GRID2: variants seen among roughly 807,000 people sequenced by gnomAD.
GRID2 encodes the protein glutamate ionotropic receptor delta type subunit 2.
A neutral mutation model predicts 114.8 loss-of-function variants in GRID2; 33 were observed. That is an observed-to-expected ratio of 0.29 (90% CI 0.22 to 0.38). The LOEUF is 0.38. Ranked by LOEUF, GRID2 falls within the 10% of genes least tolerant of loss-of-function variation. The pLI is 1.00. For missense variants in GRID2, 1,184 were observed against 1,257.7 expected (o/e 0.94, Z 0.89); for synonymous variants, 505 against 449.9 (o/e 1.12, Z -1.55).
intron 2 of GRID2, among the ~76,000 whole-genome samples, chr4:92,648,156 A>G (rs1397320051): frequency 6.7e-6 from 1 of 149,882 alleles, no homozygotes; most frequent in Non-Finnish European, 1.5e-5. Context: ...CCTTGATTCA[A>G]TAGTACCAGC....
rs1020640890 is a variant in GRID2, at chr4:93,196,529, A to G, written c.736-10875A>G. ...AGCAAAATCCCCATGTAATACTGGAAAAGTCCAAGGATAACAGAAATATTG... is the reference window on the plus strand; with the variant it reads ...AGCAAAATCCCCATGTAATACTGGAGAAGTCCAAGGATAACAGAAATATTG... On this transcript the variant is annotated intron_variant, in intron 4 of 15. Transcript: ENST00000282020. 6.6e-5 allele frequency among the ~76,000 whole-genome samples: 10 copies of G among 152,278 alleles called. No homozygotes were observed. In the East Asian group the frequency reaches 1.9e-3, roughly 29 times the overall value.
Position 93,747,652 on chromosome 4 carries a change from C to T in GRID2, c.2361-21558C>T, listed in dbSNP as rs890035503. On this transcript the variant is annotated intron_variant, in intron 14 of 15. Transcript: ENST00000282020. ...TCATATATACACAAAAACTGTTGTA[C>T]ATATCTATTGTTCAAGTAGGGAATA... 2.0e-5 allele frequency among the ~76,000 whole-genome samples: 3 copies of T among 152,152 alleles called. No individual in the cohort carries two copies. In the East Asian group the frequency reaches 5.8e-4, roughly 29 times the overall value.
chr4:92,586,546 A>C (rs1384416110), intron 1 of GRID2, among the ~76,000 whole-genome samples: 1 of 151,968 alleles, frequency 6.6e-6, no homozygotes, highest in Non-Finnish European at 1.5e-5. Flanking sequence ...GAAGTACTGT[A>C]GCTTGTCAGT....
At position 92,530,915 on chromosome 4, in the gene GRID2, G is replaced by C. The variant is rs11736155; in HGVS notation, c.89-59216G>C. ...GAGTGAGACTCCATCTTGGCGGGGG[G>C]GGAGAAAGAGGTCTTTAAAACAATT... On this transcript the variant is annotated intron_variant, in intron 1 of 15. Coordinates refer to ENST00000282020, the MANE Select transcript of GRID2 (RefSeq NM_001510.4). Among the ~76,000 whole-genome samples, 25 of 151,480 alleles carry C rather than the reference G, an allele frequency of 1.7e-4. 1 individual carries two copies. Among genetic ancestry groups the C allele is most frequent in the Admixed American group, 1.5e-3 (23 of 15,182 alleles).
intron 2 of GRID2, among the ~76,000 whole-genome samples, chr4:92,675,143 G>A (rs896268273): frequency 3.9e-5 from 6 of 152,072 alleles, no homozygotes; most frequent in African/African-American, 1.4e-4. Flanking sequence ...CTTTTACTTT[G>A]TTAGAGCACT....
intron 13 of GRID2, among the ~76,000 whole-genome samples, chr4:93,603,327 G>A (rs1739887213): frequency 6.6e-6 from 1 of 152,216 alleles, no homozygotes; most frequent in Non-Finnish European, 1.5e-5. Flanking sequence ...ATTCCCTTAA[G>A]CAAAAGCCTA....
intron 2 of GRID2, among the ~76,000 whole-genome samples, chr4:93,072,501 A>G (rs1277073757): frequency 1.3e-5 from 2 of 152,136 alleles, no homozygotes; most frequent in South Asian, 2.1e-4. Flanking sequence ...AGGATATGAA[A>G]CAGAGCTCTC....
At chr4:93,464,934 T>C (rs1724127219) in intron 11 of GRID2, among the ~76,000 whole-genome samples, 1 of 152,222 alleles carries the variant, frequency 6.6e-6, no homozygotes, top group African/African-American at 2.4e-5. Flanking sequence ...TACTTTAGCA[T>C]GTCCTAAAAG....
chr4:92,950,152 T>C (rs1020514675), intron 2 of GRID2, among the ~76,000 whole-genome samples: 26 of 152,032 alleles, frequency 1.7e-4, no homozygotes, highest in African/African-American at 6.0e-4. Flanking sequence ...TTTGACAGAG[T>C]TTCCTGCATC....
intron 13 of GRID2, 47 bp downstream of exon 13, chr4:93,515,458 C>T (rs1205361728): frequency 8.0e-7 from 1 of 1,257,540 alleles, no homozygotes. Flanking sequence ...TTTTGTGTCC[C>T]ATGCTGGAAT....
At chr4:92,699,886 CTG>C (rs1256841983) in intron 2 of GRID2, among the ~76,000 whole-genome samples, 3 of 152,122 alleles carry the variant, frequency 2.0e-5, no homozygotes, top group Non-Finnish European at 4.4e-5. Flanking sequence ...TTACAAAAAT[CTG>C]TGTTATATGA....
chr4:93,732,279 G>A (rs544603886), intron 14 of GRID2, among the ~76,000 whole-genome samples: 39 of 152,224 alleles, frequency 2.6e-4, no homozygotes, highest in African/African-American at 7.7e-4. Context: ...CTAGTACAAA[G>A]GCTTTTCCTA....
intron 9 of GRID2, among the ~76,000 whole-genome samples, chr4:93,404,802 C>T (rs915991109): frequency 1.3e-5 from 2 of 151,930 alleles, no homozygotes; most frequent in Admixed American, 6.6e-5. Context: ...GAAGGGATAT[C>T]CAGCATTAGA....
chr4:93,044,806 G>A (rs1327837545), intron 2 of GRID2, among the ~76,000 whole-genome samples: 1 of 152,132 alleles, frequency 6.6e-6, no homozygotes, highest in African/African-American at 2.4e-5. Context: ...CAGGACATTT[G>A]TGATCATGGC....
chr4:92,652,315 A>C (rs145741806), intron 2 of GRID2, among the ~76,000 whole-genome samples: 65 of 152,192 alleles, frequency 4.3e-4, no homozygotes, highest in African/African-American at 1.5e-3. Context: ...ATGTTTTACC[A>C]GCCACCTGGG....
chr4:92,606,223 A>G (rs1729442730), intron 2 of GRID2, among the ~76,000 whole-genome samples: 1 of 152,054 alleles, frequency 6.6e-6, no homozygotes. Context: ...ATAGTAAGAG[A>G]CATTTATTCA....
chr4:93,488,286 T>G, intron 11 of GRID2, among the ~76,000 whole-genome samples: 1 of 151,966 alleles, frequency 6.6e-6, no homozygotes, highest in East Asian at 1.9e-4. Context: ...GGCAAATAAT[T>G]ATTTTGCTTT....
At chr4:92,710,083 A>C (rs2149308666) in intron 2 of GRID2, among the ~76,000 whole-genome samples, 1 of 152,192 alleles carries the variant, frequency 6.6e-6, no homozygotes, top group African/African-American at 2.4e-5. Context: ...TTGTTTTATT[A>C]GTTTTAAATG....
At chr4:93,192,570 A>G (rs1741085153) in intron 4 of GRID2, among the ~76,000 whole-genome samples, 1 of 151,970 alleles carries the variant, frequency 6.6e-6, no homozygotes. Context: ...GTGGAAAGGC[A>G]AAACCCATTG....
Sources: gnomAD v4.1 joint callset for allele counts (sites outside exome capture counted in the v4.1 genomes callset) on GRCh38, gnomAD v4.1.1 for gene constraint, MANE v1.5 for transcripts, NCBI Gene and HGNC (gene_info 2026-07-23, HGNC 2026-07-21) for gene names.